DNMT3A: variants seen among roughly 807,000 people sequenced by gnomAD.
DNMT3A encodes the protein DNA methyltransferase 3 alpha.
A neutral mutation model predicts 117.6 loss-of-function variants in DNMT3A; 267 were observed. The ratio of observed to expected loss-of-function variants is 2.27; its 90% CI spans 2.05 to 2.51. The LOEUF is 2.51. Ranked by LOEUF, DNMT3A falls within the 30% of genes most tolerant of loss-of-function variation. DNMT3A has a pLI of 0.00. For synonymous variants in DNMT3A, 432 were observed against 474.8 expected, an observed-to-expected ratio of 0.91 and a Z score of 1.17; for missense variants, 1,029 against 1,260.2, an observed-to-expected ratio of 0.82 and a Z score of 2.78.
At chr2:25,241,279 A>G (rs2149276460) in intron 17 of DNMT3A, among the ~76,000 whole-genome samples, 1 of 152,310 alleles carries the variant, frequency 6.6e-6, no homozygotes, top group Middle Eastern at 3.4e-3. Context: ...ATGTTGCCCA[A>G]GCTAGTCTTA....
In DNMT3A at chr2:25,257,695, T is replaced by A. The variant is rs1676277623; in HGVS notation, c.640-9443A>T. On this transcript the variant is annotated intron_variant, in intron 6 of 22. Coordinates refer to ENST00000321117, the MANE Select transcript of DNMT3A (RefSeq NM_022552.5). This position sits in a 1 kb window ranked among gnomAD's most constrained non-coding sequence, Gnocchi z 4.8. ...CGCCAGGAGAACCCCAGATTCACTTTGGTTTAATTGCATCTGGATCACCCA... is the reference window on the plus strand; with the variant it reads ...CGCCAGGAGAACCCCAGATTCACTTAGGTTTAATTGCATCTGGATCACCCA... 6.6e-6 allele frequency among the ~76,000 whole-genome samples: 1 copy of A among 152,188 alleles called. No homozygotes were observed. Among genetic ancestry groups the A allele is most frequent in the Non-Finnish European group, 1.5e-5 (1 of 68,006 alleles).
intron 1 of DNMT3A, among the ~76,000 whole-genome samples, chr2:25,324,163 A>G (rs1342842741): frequency 6.6e-6 from 1 of 152,218 alleles, no homozygotes; most frequent in African/African-American, 2.4e-5. Flanking sequence ...GCCCTGCCCA[A>G]TGCAGTGGTC....
intron 6 of DNMT3A, among the ~76,000 whole-genome samples, chr2:25,259,776 C>T (rs1041885753): frequency 2.0e-5 from 3 of 152,186 alleles, no homozygotes; most frequent in African/African-American, 7.2e-5. Flanking sequence ...AAAGGAGCCG[C>T]ATTCAGATTC....
Position 25,230,613 on chromosome 2 carries a change from GA to G in DNMT3A, c.*3665del, listed in dbSNP as rs1467609539. ...GCCTGCTGAAGTTCAGCACCCCTTG[GA>G]AGGTGACCCAATACCTGTCCCCAGA... On this transcript the variant is annotated 3_prime_UTR_variant, in exon 23 of 23. Coordinates refer to ENST00000321117, the MANE Select transcript of DNMT3A (RefSeq NM_022552.5). The G allele has an allele frequency of 6.6e-6, 1 of 152,416 alleles. No homozygotes were observed. Among genetic ancestry groups the G allele is most frequent in the Non-Finnish European group, 1.5e-5 (1 of 68,212 alleles). The allele number at this position is 152,416 out of a possible 1,614,324, so 9.4% of individuals were successfully genotyped here.
chr2:25,246,371 C>T, intron 10 of DNMT3A, 62 bp from the exon 11 acceptor site: 2 of 1,540,302 alleles, frequency 1.3e-6, no homozygotes, highest in Non-Finnish European at 1.8e-6. Context: ...CAGCCCCTTC[C>T]CCCACCCTCC....
At chr2:25,340,883 T>TCGCCCG (rs1208434322) in intron 1 of DNMT3A, among the ~76,000 whole-genome samples, 1 of 112,598 alleles carries the variant, frequency 8.9e-6, no homozygotes, top group Non-Finnish European at 1.8e-5. Flanking sequence ...CCCGGGATCC[T>TCGCCCG]CGCCCGCCCC....
chr2:25,303,421 C>T (rs775052588), intron 2 of DNMT3A, among the ~76,000 whole-genome samples: 17 of 152,218 alleles, frequency 1.1e-4, no homozygotes, highest in East Asian at 1.9e-4. Context: ...TGTAGGTGCT[C>T]GGCACATTTT....
In DNMT3A at chr2:25,329,259, G is replaced by T. The variant is rs920175095; in HGVS notation, c.-178+12567C>A. The stretch of plus-strand genomic sequence containing the variant: ...TCCAGCAGTCCCTGCCTCAAACCCT[G>T]GCTCTGTCACTGAGAGATTCGGGCC... On this transcript the variant is annotated intron_variant, in intron 1 of 22. Transcript: ENST00000321117. 3.3e-5 allele frequency among the ~76,000 whole-genome samples: 5 copies of T among 152,168 alleles called. No individual in the cohort carries two copies. The South Asian group carries it at 8.3e-4, about 25-fold the overall frequency.
chr2:25,310,698 C>T (rs1573475553), intron 2 of DNMT3A, among the ~76,000 whole-genome samples: 1 of 152,126 alleles, frequency 6.6e-6, no homozygotes, highest in Admixed American at 6.5e-5. Context: ...ATTCCAGGTC[C>T]GGGGGATTCA....
intron 1 of DNMT3A, among the ~76,000 whole-genome samples, chr2:25,319,599 C>T (rs1363099647): frequency 6.6e-6 from 1 of 152,200 alleles, no homozygotes; most frequent in African/African-American, 2.4e-5. Flanking sequence ...ATGCCAGTCA[C>T]CTGGCATGAG....
intron 4 of DNMT3A, among the ~76,000 whole-genome samples, chr2:25,276,278 G>A (rs1480355599): frequency 1.3e-5 from 2 of 152,142 alleles, no homozygotes; most frequent in African/African-American, 4.8e-5. Context: ...ACTTGAGTTT[G>A]GATTCCAGTG....
intron 6 of DNMT3A, 130 bp downstream of exon 6, chr2:25,274,811 C>T: frequency 7.6e-7 from 1 of 1,307,428 alleles, no homozygotes; most frequent in Non-Finnish European, 1.0e-6. Context: ...ATGAACCAGT[C>T]ATCATGACTA....
chr2:25,251,315 G>C (rs1313114300), intron 6 of DNMT3A, among the ~76,000 whole-genome samples: 2 of 151,544 alleles, frequency 1.3e-5, no homozygotes, highest in Non-Finnish European at 2.9e-5. Context: ...AACAATAAGA[G>C]AAACAGGGGT....
chr2:25,239,599 C>T (rs1425081021), intron 19 of DNMT3A: 1 of 509,212 alleles, frequency 2.0e-6, no homozygotes, highest in East Asian at 4.6e-5. Flanking sequence ...CCATATTGCA[C>T]AGTGCTGCTC....
rs11331019 is a variant in DNMT3A, at chr2:25,233,778, CAA to C, written c.*499_*500del. ...AAGATATATAGTAAAAAAAAAAACC[CAA>C]AAAAAAAAAACAAAAAACAAAAAAA... On this transcript the variant is annotated 3_prime_UTR_variant, in exon 23 of 23. Coordinates refer to ENST00000321117, the MANE Select transcript of DNMT3A (RefSeq NM_022552.5). 1.7e-3 allele frequency: 262 copies of C among 150,658 alleles called. No individual in the cohort carries two copies. The highest frequency in any genetic ancestry group is 3.9e-3 in the African/African-American group (109 of 28,310). 9.3% of individuals were successfully genotyped at this position (150,658 alleles called of 1,614,324 possible).
rs1334370613 is a variant in DNMT3A, at chr2:25,304,655, G to A, written c.73-4412C>T. ...CCACGGGGGTTCCCGGGGGCCAGGAGGATCCAGCCAAGCTCCTCAGCTCAT... is the reference window on the plus strand; with the variant it reads ...CCACGGGGGTTCCCGGGGGCCAGGAAGATCCAGCCAAGCTCCTCAGCTCAT... On this transcript the variant is annotated intron_variant, in intron 2 of 22. Coordinates refer to ENST00000321117, the MANE Select transcript of DNMT3A (RefSeq NM_022552.5). The surrounding 1 kb of genome is among the most constrained non-coding windows in gnomAD (Gnocchi z 4.3). 6.6e-6 allele frequency among the ~76,000 whole-genome samples: 1 copy of A among 152,242 alleles called. No homozygotes were observed. Among genetic ancestry groups the A allele is most frequent in the African/African-American group, 2.4e-5 (1 of 41,466 alleles).
chr2:25,273,470 G>A (rs2031118123), intron 6 of DNMT3A, among the ~76,000 whole-genome samples: 1 of 152,150 alleles, frequency 6.6e-6, no homozygotes, highest in South Asian at 2.1e-4. Flanking sequence ...CCTTCCCCTG[G>A]AGGCCTGGGG....
chr2:25,300,262 C>T lies in DNMT3A; in HGVS notation c.73-19G>A, dbSNP rs1374687528. ...CTCCGTCCTGCAGGCACAGACACAGCCTGTGAGGCCAGAGGTGGATCCCAG... is the reference window on the plus strand; with the variant it reads ...CTCCGTCCTGCAGGCACAGACACAGTCTGTGAGGCCAGAGGTGGATCCCAG... On this transcript the variant is annotated intron_variant, in intron 2 of 22. Coordinates refer to ENST00000321117, the MANE Select transcript of DNMT3A (RefSeq NM_022552.5). The T allele has an allele frequency of 1.2e-6, 2 of 1,601,948 alleles. No individual in the cohort carries two copies. Among genetic ancestry groups the T allele is most frequent in the Non-Finnish European group, 1.7e-6 (2 of 1,179,292 alleles).
chr2:25,300,408 T>C (rs565352789), intron 2 of DNMT3A, among the ~76,000 whole-genome samples, 165 bp from the exon 3 acceptor site: 4 of 151,284 alleles, frequency 2.6e-5, no homozygotes, highest in African/African-American at 9.7e-5. Flanking sequence ...ACTCCCCTCC[T>C]GCCTGATGAG....
Sources: gnomAD v4.1 joint callset for allele counts (sites outside exome capture counted in the v4.1 genomes callset) on GRCh38, gnomAD v4.1.1 for gene constraint, Gnocchi (gnomAD v3.1) non-coding constraint, MANE v1.5 for transcripts, NCBI Gene and HGNC (gene_info 2026-07-23, HGNC 2026-07-21) for gene names.